ACTRT2: variants seen among roughly 807,000 people sequenced by gnomAD.
The protein encoded by ACTRT2 is actin related protein T2.
A neutral mutation model predicts 1.2 loss-of-function variants in ACTRT2; 1 was observed. That is an observed-to-expected ratio of 0.80 (90% CI 0.29 to 3.81). The LOEUF (loss-of-function observed/expected upper bound fraction) is 3.81. ACTRT2 is among the 30% of genes most tolerant of loss of function. The pLI is 0.18. For synonymous variants in ACTRT2, 262 were observed against 228.9 expected (o/e 1.14, Z -1.30); for missense variants, 488 against 497.9 (o/e 0.98, Z 0.19).
chr1:3,022,597 G>C lies in ACTRT2; in HGVS notation c.911G>C (p.Gly304Ala). The C allele has an allele frequency of 1.9e-6, 3 of 1,613,072 alleles. No homozygotes were observed. Among genetic ancestry groups the C allele is most frequent in the Non-Finnish European group, 2.5e-6 (3 of 1,180,014 alleles). ...ILFGEIVLSG[G>A]TTLFHGLDDR... ...TTTGGGGAGATTGTGCTGTCGGGGG[G>C]CACTACCCTGTTCCACGGGCTGGAT... Residue 304 changes from glycine to alanine, a missense_variant, in exon 1 of 1, where the codon GGC (glycine) becomes GCC (alanine). By Grantham distance (60) the Gly-to-Ala change is moderately conservative (BLOSUM62 0). Coordinates refer to ENST00000378404, the MANE Select transcript of ACTRT2 (RefSeq NM_080431.5). This position sits in a 1 kb window ranked among gnomAD's most constrained non-coding sequence, Gnocchi z 7.7.
In ACTRT2 at chr1:3,022,085, G is replaced by A. The variant is rs1167556643; in HGVS notation, c.399G>A (p.Val133=). The change falls in exon 1 of 1, where the codon GTG becomes GTA. Residue 133 remains valine (V), a synonymous_variant. Coordinates refer to ENST00000378404, the MANE Select transcript of ACTRT2 (RefSeq NM_080431.5). The surrounding 1 kb of genome is among the most constrained non-coding windows in gnomAD (Gnocchi z 7.7). ...AAGTCATGTTCGAGAACTTCGGCGT[G>A]CCCGCTTTCTACCTGTCGGACCAGG... ...MAEVMFENFG[V]PAFYLSDQAV... The A allele has an allele frequency of 1.2e-6, 2 of 1,613,326 alleles. No homozygotes were observed. The highest frequency in any genetic ancestry group is 1.7e-6 in the Non-Finnish European group (2 of 1,180,030).
rs770687267 is a variant in ACTRT2, at chr1:3,022,240, C to G, written c.554C>G (p.Ala185Gly). Reference protein sequence around the residue: ...LPHAVTKLHVAGRDITELLMQ... With the variant: ...LPHAVTKLHVGGRDITELLMQ... The stretch of plus-strand genomic sequence containing the variant: ...CACGCAGTCACCAAGCTCCACGTGG[C>G]GGGCAGGGACATCACGGAGCTCCTC... Residue 185 changes from alanine to glycine, a missense_variant, in exon 1 of 1, where the codon GCG (alanine) becomes GGG (glycine). By Grantham distance (60) the Ala-to-Gly change is moderately conservative. Coordinates refer to ENST00000378404, the MANE Select transcript of ACTRT2 (RefSeq NM_080431.5). The surrounding 1 kb of genome is among the most constrained non-coding windows in gnomAD (Gnocchi z 7.7). 10 of 1,612,908 alleles carry G rather than the reference C, an allele frequency of 6.2e-6. No homozygotes were observed. The South Asian group carries it at 1.1e-4, about 18-fold the overall frequency.
At position 3,022,344 on chromosome 1, in the gene ACTRT2, C is replaced by T; in HGVS notation, c.658C>T (p.Leu220=). ...KGLVDDIKKK[L]CYVALEPEKE... ...TCTCGTGGACGACATCAAAAAGAAG[C>T]TGTGCTACGTGGCCTTGGAGCCCGA... is the stretch of plus-strand genomic sequence containing the variant. Residue 220 remains leucine (L), a synonymous_variant, in exon 1 of 1, where the codon CTG becomes TTG. Coordinates refer to ENST00000378404, the MANE Select transcript of ACTRT2 (RefSeq NM_080431.5). The surrounding 1 kb of genome is among the most constrained non-coding windows in gnomAD (Gnocchi z 7.7). 1 of 1,612,972 alleles carries T rather than the reference C, an allele frequency of 6.2e-7. No homozygotes were observed.
chr1:3,022,088 C>T lies in ACTRT2; in HGVS notation c.402C>T (p.Pro134=), dbSNP rs779567469. 6.8e-6 allele frequency: 11 copies of T among 1,613,322 alleles called. No homozygotes were observed. The highest frequency in any genetic ancestry group is 2.2e-5 in the East Asian group (1 of 44,880). Reference sequence around the variant, plus strand: ...TCATGTTCGAGAACTTCGGCGTGCCCGCTTTCTACCTGTCGGACCAGGCGG... The same window carrying T: ...TCATGTTCGAGAACTTCGGCGTGCCTGCTTTCTACCTGTCGGACCAGGCGG... ...AEVMFENFGV[P]AFYLSDQAVL... Residue 134 remains proline (P), a synonymous_variant, in exon 1 of 1, where the codon CCC becomes CCT. Coordinates refer to ENST00000378404, the MANE Select transcript of ACTRT2 (RefSeq NM_080431.5). This position sits in a 1 kb window ranked among gnomAD's most constrained non-coding sequence, Gnocchi z 7.7.
In ACTRT2 at chr1:3,022,776, T is replaced by C. The variant is rs1354047290; in HGVS notation, c.1090T>C (p.Phe364Leu). The C allele has an allele frequency of 6.2e-7, 1 of 1,613,694 alleles. No homozygotes were observed. Among genetic ancestry groups the C allele is most frequent in the East Asian group, 2.2e-5 (1 of 44,828 alleles). Residue 364 changes from phenylalanine (F) to leucine (L), a missense_variant, in exon 1 of 1, where the codon TTC becomes CTC. Transcript: ENST00000378404. The surrounding 1 kb of genome is among the most constrained non-coding windows in gnomAD (Gnocchi z 7.7). ...GCAGATGTGGGTCACCGCCGCAGAC[T>C]TCAAGGAGTTTGGGACCTCCGTGGT... ...FKQMWVTAADFKEFGTSVVQR... is the reference protein window; with the variant it reads ...FKQMWVTAADLKEFGTSVVQR...
In ACTRT2 at chr1:3,022,532, C is replaced by A; in HGVS notation, c.846C>A (p.Ser282Arg). The change falls in exon 1 of 1, where the codon AGC (serine) becomes AGA (arginine). Residue 282 changes from serine (S) to arginine (R), a missense_variant. By Grantham distance (110) the Ser-to-Arg change is moderately radical. Transcript: ENST00000378404. The surrounding 1 kb of genome is among the most constrained non-coding windows in gnomAD (Gnocchi z 7.7). The stretch of plus-strand genomic sequence containing the variant: ...CCGGGCTCTCGAATATGGTCTCCAG[C>A]AGCATCACCAAGTGTGATACCGACA... ...QSPGLSNMVS[S>R]SITKCDTDIQ... 1 of 1,612,986 alleles carries A rather than the reference C, an allele frequency of 6.2e-7. No homozygotes were observed. Among genetic ancestry groups the A allele is most frequent in the Non-Finnish European group, 8.5e-7 (1 of 1,180,034 alleles).
rs367934384 is a variant in ACTRT2, at chr1:3,022,412, C to T, written c.726C>T (p.Tyr242=). The T allele has an allele frequency of 5.0e-5, 80 of 1,612,904 alleles. No individual in the cohort carries two copies. Among genetic ancestry groups the T allele is most frequent in the South Asian group, 3.3e-4 (30 of 91,084 alleles). ...GGCCGGAGGAGGTCCTGAGGGAGTA[C>T]AAGCTGCCCGACGGGAACATCATCA... The part of the protein sequence containing the change: ...SRRPEEVLRE[Y]KLPDGNIISL... Residue 242 remains tyrosine, a synonymous_variant, in exon 1 of 1, where the codon TAC becomes TAT. Transcript: ENST00000378404. The surrounding 1 kb of genome is among the most constrained non-coding windows in gnomAD (Gnocchi z 7.7).
rs1437958884 is a variant in ACTRT2, at chr1:3,021,732, A to T, written c.46A>T (p.Asn16Tyr). 3.7e-6 allele frequency: 6 copies of T among 1,613,706 alleles called. No individual in the cohort carries two copies. Among genetic ancestry groups the T allele is most frequent in the Non-Finnish European group, 4.2e-6 (5 of 1,179,980 alleles). Residue 16 changes from asparagine (N) to tyrosine (Y), a missense_variant, in exon 1 of 1, where the codon AAT becomes TAT. Coordinates refer to ENST00000378404, the MANE Select transcript of ACTRT2 (RefSeq NM_080431.5). ...ALDSPAVIFD[N>Y]GSGFCKAGLS... is the part of the protein sequence containing the mutation. Reference sequence around the variant, plus strand: ...AGACTCCCCGGCTGTGATTTTTGACAATGGCTCGGGGTTCTGCAAAGCGGG... The same window carrying T: ...AGACTCCCCGGCTGTGATTTTTGACTATGGCTCGGGGTTCTGCAAAGCGGG...
Position 3,021,570 on chromosome 1 carries a change from T to G in ACTRT2, c.-117T>G, listed in dbSNP as rs769173336. On this transcript the variant is annotated 5_prime_UTR_variant, in exon 1 of 1. Transcript: ENST00000378404. ...GGGCTCCCGGGCACGGTGCTAGCCC[T>G]GCCTTGAGACACCCCGAGAGCTGTG... 6 of 1,419,946 alleles carry G rather than the reference T, an allele frequency of 4.2e-6. No individual in the cohort carries two copies. The highest frequency in any genetic ancestry group is 5.7e-6 in the Non-Finnish European group (6 of 1,052,580). 88.0% of individuals were successfully genotyped at this position (1,419,946 alleles called of 1,614,324 possible). A position where few individuals can be genotyped will look rare whatever the true frequency, so the allele number is the denominator to read the frequency against.
rs754506097 is a variant in ACTRT2 at position 3,022,131 on chromosome 1, T to A, written c.445T>A (p.Ser149Thr). 1.9e-6 allele frequency: 3 copies of A among 1,613,206 alleles called. No homozygotes were observed. In the South Asian group the frequency reaches 3.3e-5, roughly 18 times the overall value. Residue 149 changes from serine to threonine, a missense_variant, in exon 1 of 1, where the codon TCT (serine) becomes ACT (threonine). By Grantham distance (58) the Ser-to-Thr change is moderately conservative. Transcript: ENST00000378404. The surrounding 1 kb of genome is among the most constrained non-coding windows in gnomAD (Gnocchi z 7.7). ...CCAGGCGGTGCTGGCTCTCTACGCC[T>A]CTGCCTGTGTCACGGGCCTGGTGGT... The part of the protein sequence containing the change: ...SDQAVLALYA[S>T]ACVTGLVVDS...
In ACTRT2 at chr1:3,022,289, C is replaced by A; in HGVS notation, c.603C>A (p.Gly201=). The A allele has an allele frequency of 6.2e-7, 1 of 1,612,756 alleles. No homozygotes were observed. Among genetic ancestry groups the A allele is most frequent in the Non-Finnish European group, 8.5e-7 (1 of 1,179,884 alleles). The change falls in exon 1 of 1, where the codon GGC becomes GGA. Residue 201 remains glycine, a synonymous_variant. Transcript: ENST00000378404. This position sits in a 1 kb window ranked among gnomAD's most constrained non-coding sequence, Gnocchi z 7.7. ...TCATGCAGCTGCTCCTGGCCAGCGG[C>A]CACACCTTCCCCTGCCAGCTGGACA... ...ELLMQLLLAS[G]HTFPCQLDKG...
Position 3,022,128 on chromosome 1 carries a change from G to A in ACTRT2, c.442G>A (p.Ala148Thr), listed in dbSNP as rs753334145. ...LSDQAVLALY[A>T]SACVTGLVVD... ...GGACCAGGCGGTGCTGGCTCTCTAC[G>A]CCTCTGCCTGTGTCACGGGCCTGGT... Residue 148 changes from alanine to threonine, a missense_variant, in exon 1 of 1, where the codon GCC (alanine) becomes ACC (threonine). Physicochemically the swap from Ala to Thr is moderately conservative, Grantham distance 58. Coordinates refer to ENST00000378404, the MANE Select transcript of ACTRT2 (RefSeq NM_080431.5). This position sits in a 1 kb window ranked among gnomAD's most constrained non-coding sequence, Gnocchi z 7.7. 1.3e-5 allele frequency: 21 copies of A among 1,613,084 alleles called. No homozygotes were observed. The highest frequency in any genetic ancestry group is 1.1e-4 in the South Asian group (10 of 91,084).
At position 3,022,051 on chromosome 1, in the gene ACTRT2, A is replaced by G. The variant is rs1641082013; in HGVS notation, c.365A>G (p.Lys122Arg). The change falls in exon 1 of 1, where the codon AAG becomes AGG. Residue 122 changes from lysine (K) to arginine (R), a missense_variant. Lys to Arg is a conservative substitution (Grantham distance 26). Coordinates refer to ENST00000378404, the MANE Select transcript of ACTRT2 (RefSeq NM_080431.5). This position sits in a 1 kb window ranked among gnomAD's most constrained non-coding sequence, Gnocchi z 7.7. ...PSLNPRENRE[K>R]MAEVMFENFG... ...CTGAACCCCAGGGAGAACCGTGAGA[A>G]GATGGCAGAAGTCATGTTCGAGAAC... 1.9e-6 allele frequency: 3 copies of G among 1,613,574 alleles called. No homozygotes were observed. The highest frequency in any genetic ancestry group is 2.5e-6 in the Non-Finnish European group (3 of 1,180,040).
At position 3,022,303 on chromosome 1, in the gene ACTRT2, G is replaced by T. The variant is rs1641086814; in HGVS notation, c.617G>T (p.Cys206Phe). The T allele has an allele frequency of 6.2e-7, 1 of 1,612,648 alleles. No individual in the cohort carries two copies. Among genetic ancestry groups the T allele is most frequent in the Non-Finnish European group, 8.5e-7 (1 of 1,179,888 alleles). ...LLLASGHTFP[C>F]QLDKGLVDDI... is the part of the protein sequence containing the mutation. ...CTGGCCAGCGGCCACACCTTCCCCT[G>T]CCAGCTGGACAAGGGTCTCGTGGAC... Residue 206 changes from cysteine to phenylalanine, a missense_variant, in exon 1 of 1, where the codon TGC becomes TTC. By Grantham distance (205) the Cys-to-Phe change is radical. Coordinates refer to ENST00000378404, the MANE Select transcript of ACTRT2 (RefSeq NM_080431.5). The surrounding 1 kb of genome is among the most constrained non-coding windows in gnomAD (Gnocchi z 7.7).
rs1459873338 is a variant in ACTRT2, at chr1:3,022,151, G to C, written c.465G>C (p.Leu155=). The change falls in exon 1 of 1, where the codon CTG becomes CTC. Residue 155 remains leucine, a synonymous_variant. Coordinates refer to ENST00000378404, the MANE Select transcript of ACTRT2 (RefSeq NM_080431.5). This position sits in a 1 kb window ranked among gnomAD's most constrained non-coding sequence, Gnocchi z 7.7. ...ACGCCTCTGCCTGTGTCACGGGCCT[G>C]GTGGTGGACAGCGGGGATGCGGTCA... ...ALYASACVTG[L]VVDSGDAVTC... 2.5e-6 allele frequency: 4 copies of C among 1,613,070 alleles called. No homozygotes were observed. The highest frequency in any genetic ancestry group is 3.4e-6 in the Non-Finnish European group (4 of 1,180,044).
Position 3,022,111 on chromosome 1 carries a change from C to T in ACTRT2, c.425C>T (p.Ala142Val), listed in dbSNP as rs762496241. The stretch of plus-strand genomic sequence containing the variant: ...CCCGCTTTCTACCTGTCGGACCAGG[C>T]GGTGCTGGCTCTCTACGCCTCTGCC... ...GVPAFYLSDQAVLALYASACV... is the reference protein window; with the variant it reads ...GVPAFYLSDQVVLALYASACV... Residue 142 changes from alanine (A) to valine (V), a missense_variant, in exon 1 of 1, where the codon GCG becomes GTG. Physicochemically the swap from Ala to Val is moderately conservative, Grantham distance 64. Coordinates refer to ENST00000378404, the MANE Select transcript of ACTRT2 (RefSeq NM_080431.5). The surrounding 1 kb of genome is among the most constrained non-coding windows in gnomAD (Gnocchi z 7.7). 53 of 1,613,240 alleles carry T rather than the reference C, an allele frequency of 3.3e-5. No homozygotes were observed. Among genetic ancestry groups the T allele is most frequent in the Middle Eastern group, 1.6e-4 (1 of 6,084 alleles).
In ACTRT2 at chr1:3,022,628, G is replaced by A. The variant is rs771094841; in HGVS notation, c.942G>A (p.Arg314=). 2 of 1,613,176 alleles carry A rather than the reference G, an allele frequency of 1.2e-6. No homozygotes were observed. Among genetic ancestry groups the A allele is most frequent in the Non-Finnish European group, 1.7e-6 (2 of 1,180,028 alleles). Residue 314 remains arginine, a synonymous_variant, in exon 1 of 1, where the codon CGG becomes CGA. Transcript: ENST00000378404. The surrounding 1 kb of genome is among the most constrained non-coding windows in gnomAD (Gnocchi z 7.7). The stretch of plus-strand genomic sequence containing the variant: ...CCCTGTTCCACGGGCTGGATGACCG[G>A]CTTCTCAAGGAGCTGGAGCAGCTGG... ...GTTLFHGLDD[R]LLKELEQLAS... is the part of the protein sequence containing the mutation.
Position 3,021,859 on chromosome 1 carries a change from T to G in ACTRT2, c.173T>G (p.Val58Gly). The G allele has an allele frequency of 6.8e-6, 11 of 1,613,326 alleles. No individual in the cohort carries two copies. The highest frequency in any genetic ancestry group is 9.3e-6 in the Non-Finnish European group (11 of 1,179,996). ...SAEANQKKYF[V>G]GEEALYKQEA... Reference sequence around the variant, plus strand: ...GAGGCCAACCAGAAGAAGTACTTTGTGGGGGAGGAGGCCCTGTACAAGCAG... The same window carrying G: ...GAGGCCAACCAGAAGAAGTACTTTGGGGGGGAGGAGGCCCTGTACAAGCAG... Residue 58 changes from valine to glycine, a missense_variant, in exon 1 of 1, where the codon GTG becomes GGG. Physicochemically the swap from Val to Gly is moderately radical, Grantham distance 109 (BLOSUM62 -3). Coordinates refer to ENST00000378404, the MANE Select transcript of ACTRT2 (RefSeq NM_080431.5).
rs762908845 is a variant in ACTRT2 at position 3,022,613 on chromosome 1, C to A, written c.927C>A (p.His309Gln). The change falls in exon 1 of 1, where the codon CAC becomes CAA. Residue 309 changes from histidine to glutamine, a missense_variant. By Grantham distance (24) the His-to-Gln change is conservative. Transcript: ENST00000378404. This position sits in a 1 kb window ranked among gnomAD's most constrained non-coding sequence, Gnocchi z 7.7. ...TGTCGGGGGGCACTACCCTGTTCCA[C>A]GGGCTGGATGACCGGCTTCTCAAGG... Reference protein sequence around the residue: ...IVLSGGTTLFHGLDDRLLKEL... With the variant: ...IVLSGGTTLFQGLDDRLLKEL... The A allele has an allele frequency of 1.9e-6, 3 of 1,613,056 alleles. No individual in the cohort carries two copies. In the East Asian group the frequency reaches 6.7e-5, roughly 36 times the overall value.
Sources: allele counts gnomAD v4.1 joint callset, GRCh38; gene constraint gnomAD v4.1.1; non-coding constraint Gnocchi (gnomAD v3.1); transcripts MANE v1.5; gene names NCBI Gene and HGNC (gene_info 2026-07-23, HGNC 2026-07-21).